Variants in RSU1 observed in about 807,000 individuals in gnomAD.
RSU1 encodes the protein Ras suppressor protein 1, also known as rsu-1.
A neutral mutation model predicts 31.1 loss-of-function variants in RSU1; 26 were observed. That is an observed-to-expected ratio of 0.84 (90% CI 0.61 to 1.16). The LOEUF (loss-of-function observed/expected upper bound fraction) is 1.16. Among genes scored for constraint, RSU1 ranks in the 50% most tolerant of loss-of-function variants. The pLI is 0.00. For missense variants in RSU1, 320 were observed against 339.1 expected, an observed-to-expected ratio of 0.94 and a Z score of 0.44; for synonymous variants, 164 against 136.3, an observed-to-expected ratio of 1.20 and a Z score of -1.41.
intron 2 of RSU1, among the ~76,000 whole-genome samples, chr10:16,812,904 G>A (rs1838437845): frequency 6.6e-6 from 1 of 152,032 alleles, no homozygotes; most frequent in African/African-American, 2.4e-5. Flanking sequence ...GAAGACAGCT[G>A]CTGCTTGGGA....
chr10:16,739,321 C>G (rs1836703637), intron 7 of RSU1, among the ~76,000 whole-genome samples: 1 of 152,036 alleles, frequency 6.6e-6, no homozygotes, highest in African/African-American at 2.4e-5. Context: ...AATTTATACT[C>G]CCACCAAGAG....
Position 16,757,246 on chromosome 10 carries a change from T to TA in RSU1, c.282-2258dup, listed in dbSNP as rs1179842838. Among the ~76,000 whole-genome samples the TA allele has an allele frequency of 8.7e-4, 132 of 150,864 alleles. 1 individual carries two copies. The East Asian group carries it at 9.9e-3, about 11-fold the overall frequency. The stretch of plus-strand genomic sequence containing the variant: ...TTGAGCATACTTAAAAGCCAATTTT[T>TA]AAAAAAAAAATTTAATAAAAGTTGA... On this transcript the variant is annotated intron_variant, in intron 4 of 8. Coordinates refer to ENST00000345264, the MANE Select transcript of RSU1 (RefSeq NM_012425.4).
chr10:16,632,314 G>A (rs1008339640), intron 8 of RSU1, among the ~76,000 whole-genome samples: 1 of 152,094 alleles, frequency 6.6e-6, no homozygotes, highest in Non-Finnish European at 1.5e-5. Context: ...TCTTAAACTG[G>A]ATGAATAAGC....
intron 7 of RSU1, among the ~76,000 whole-genome samples, chr10:16,709,566 C>T (rs1401919531): frequency 6.6e-6 from 1 of 152,080 alleles, no homozygotes; most frequent in African/African-American, 2.4e-5. Context: ...CTGAGGAATC[C>T]CCACACTGAC....
At chr10:16,616,789 A>G (rs1833985108) in intron 8 of RSU1, among the ~76,000 whole-genome samples, 1 of 152,250 alleles carries the variant, frequency 6.6e-6, no homozygotes, top group Admixed American at 6.5e-5. Context: ...CCATAGATGC[A>G]GAAAAGGCCT....
chr10:16,649,986 C>CTT (rs1036346438), intron 8 of RSU1, among the ~76,000 whole-genome samples: 6 of 152,184 alleles, frequency 3.9e-5, no homozygotes, highest in African/African-American at 1.4e-4. Context: ...TCCCAAGGAA[C>CTT]TTTTAGAACT....
chr10:16,751,584 C>T (rs1279396017), intron 7 of RSU1, among the ~76,000 whole-genome samples: 1 of 152,198 alleles, frequency 6.6e-6, no homozygotes, highest in East Asian at 1.9e-4. Context: ...TTCATTCAGT[C>T]AGTGTTTTCT....
intron 7 of RSU1, among the ~76,000 whole-genome samples, chr10:16,751,258 G>A (rs911424203): frequency 6.6e-6 from 1 of 152,134 alleles, no homozygotes; most frequent in Non-Finnish European, 1.5e-5. Context: ...AAAGCAACAC[G>A]TGACTACTTG....
intron 8 of RSU1, among the ~76,000 whole-genome samples, chr10:16,687,213 G>A (rs1390919181): frequency 6.6e-6 from 1 of 152,210 alleles, no homozygotes; most frequent in African/African-American, 2.4e-5. Flanking sequence ...AATACAGCTA[G>A]TCTCCTGAAG....
intron 8 of RSU1, among the ~76,000 whole-genome samples, chr10:16,616,274 C>G (rs1315092275): frequency 1.3e-5 from 2 of 150,998 alleles, no homozygotes; most frequent in African/African-American, 4.9e-5. Context: ...TTCCTGGACA[C>G]ACACCCCCTC....
At chr10:16,707,879 G>T (rs998931171) in intron 7 of RSU1, among the ~76,000 whole-genome samples, 1 of 151,868 alleles carries the variant, frequency 6.6e-6, no homozygotes, top group African/African-American at 2.4e-5. Flanking sequence ...AATCTGTTTT[G>T]ATTTTTCTTT....
intron 8 of RSU1, among the ~76,000 whole-genome samples, chr10:16,596,731 A>G (rs1414775879): frequency 6.6e-6 from 1 of 151,976 alleles, no homozygotes; most frequent in African/African-American, 2.4e-5. Context: ...GATTATTATT[A>G]TTATTTTTTC....
rs182787530 is a variant in RSU1, at chr10:16,780,790, A to G, written c.160+1244T>C. On this transcript the variant is annotated intron_variant, in intron 3 of 8. Transcript: ENST00000345264. Reference sequence around the variant, plus strand: ...GACCACGGGACCATTTCCCAGAAAAACAATGGAACCGGCAATAAATTACCT... The same window carrying G: ...GACCACGGGACCATTTCCCAGAAAAGCAATGGAACCGGCAATAAATTACCT... Among the ~76,000 whole-genome samples the G allele has an allele frequency of 5.3e-4, 81 of 152,282 alleles. No homozygotes were observed. The East Asian group carries it at 0.013, about 24-fold the overall frequency.
At chr10:16,641,491 C>CAAAA (rs59893762) in intron 8 of RSU1, among the ~76,000 whole-genome samples, 1,306 of 114,306 alleles carry the variant, frequency 0.011, 23 homozygotes, top group African/African-American at 0.036. Flanking sequence ...GACTTTATCT[C>CAAAA]AAAAAAAAAA....
intron 8 of RSU1, among the ~76,000 whole-genome samples, chr10:16,677,663 T>C (rs1047977986): frequency 6.6e-6 from 1 of 152,178 alleles, no homozygotes; most frequent in African/African-American, 2.4e-5. Context: ...ATGGCCAGTA[T>C]TTTTTCTTGT....
chr10:16,604,020 C>T (rs934389488), intron 8 of RSU1, among the ~76,000 whole-genome samples: 1 of 152,122 alleles, frequency 6.6e-6, no homozygotes, highest in Non-Finnish European at 1.5e-5. Flanking sequence ...CTTAAAATGT[C>T]CTCTAGCTGG....
chr10:16,795,831 G>A lies in RSU1; in HGVS notation c.110-13747C>T, dbSNP rs916491150. Among the ~76,000 whole-genome samples, 15 of 152,128 alleles carry A rather than the reference G, an allele frequency of 9.9e-5. No homozygotes were observed. The East Asian group carries it at 1.9e-3, about 20-fold the overall frequency. ...AAATTGGGTGTATCTTCAACCCCCC[G>A]GACCCCTAAACAAGCCGCCCAGGTG... On this transcript the variant is annotated intron_variant, in intron 2 of 8. Coordinates refer to ENST00000345264, the MANE Select transcript of RSU1 (RefSeq NM_012425.4).
At chr10:16,644,070 G>A (rs1423062043) in intron 8 of RSU1, among the ~76,000 whole-genome samples, 25 of 151,648 alleles carry the variant, frequency 1.6e-4, no homozygotes, top group Admixed American at 1.6e-3. Flanking sequence ...TTAAGCATCT[G>A]CAGATTTTGG....
intron 7 of RSU1, among the ~76,000 whole-genome samples, chr10:16,725,723 T>C (rs1438578172): frequency 1.3e-5 from 2 of 151,090 alleles, no homozygotes; most frequent in African/African-American, 4.9e-5. Context: ...TGTCCGCTCC[T>C]TGATCTCAGG....
Sources: gnomAD v4.1 joint callset for allele counts (sites outside exome capture counted in the v4.1 genomes callset) on GRCh38, gnomAD v4.1.1 for gene constraint, MANE v1.5 for transcripts, NCBI Gene and HGNC (gene_info 2026-07-23, HGNC 2026-07-21) for gene names.